Variants in LRP2 observed in about 807,000 individuals in gnomAD.
The protein encoded by LRP2 is LDL receptor related protein 2.
In LRP2, 172 loss-of-function variants were observed where a neutral mutation model predicts 531.0. The ratio of observed to expected loss-of-function variants is 0.32; its 90% CI spans 0.29 to 0.37. LRP2 has a LOEUF of 0.37. Ranked by LOEUF, LRP2 falls within the 10% of genes least tolerant of loss-of-function variation. LRP2 has a pLI of 1.00. For missense variants in LRP2, 5,167 were observed against 5,868.3 expected (o/e 0.88, Z 3.90); for synonymous variants, 1,992 against 2,027.6 (o/e 0.98, Z 0.47).
At chr2:169,143,118 TA>T (rs765788984) in intron 70 of LRP2, among the ~76,000 whole-genome samples, 2 of 152,200 alleles carry the variant, frequency 1.3e-5, no homozygotes, top group African/African-American at 2.4e-5. Context: ...TACTCAGTGC[TA>T]AACAACTTGA....
At chr2:169,190,563 C>T (rs1219273148) in intron 48 of LRP2, among the ~76,000 whole-genome samples, 1 of 152,210 alleles carries the variant, frequency 6.6e-6, no homozygotes, top group East Asian at 1.9e-4. Flanking sequence ...TCAATGGCCC[C>T]TGTGACTCTG....
intron 4 of LRP2, among the ~76,000 whole-genome samples, chr2:169,306,190 C>T (rs1218170086): frequency 6.6e-6 from 1 of 151,726 alleles, no homozygotes; most frequent in Non-Finnish European, 1.5e-5. Context: ...ATTAAAAACT[C>T]AAGGAACTTC....
At chr2:169,225,069 C>T (rs1397936596) in intron 33 of LRP2, among the ~76,000 whole-genome samples, 7 of 151,312 alleles carry the variant, frequency 4.6e-5, no homozygotes, top group South Asian at 4.2e-4. Context: ...CCAGCCTGGG[C>T]GACAGAGTGA....
At chr2:169,262,446 CA>C (rs1690599051) in intron 16 of LRP2, among the ~76,000 whole-genome samples, 1 of 121,244 alleles carries the variant, frequency 8.2e-6, no homozygotes, top group African/African-American at 2.9e-5. Context: ...TCTTATACAC[CA>C]ATAACAGACA....
In LRP2 at chr2:169,259,045, C is replaced by G. The variant is rs1211602964; in HGVS notation, c.2493G>C (p.Val831=). Residue 831 remains valine (V), a synonymous_variant, in exon 17 of 79, where the codon GTG becomes GTC. Coordinates refer to ENST00000649046, the MANE Select transcript of LRP2 (RefSeq NM_004525.3). ...VVQYLNNPRS[V]VVHPFAGYLF... ...CTTACCCGGCAAAAGGATGAACTAC[C>G]ACCGACCGTGGGTTATTTAAATACT... 1 of 1,613,192 alleles carries G rather than the reference C, an allele frequency of 6.2e-7. No individual in the cohort carries two copies. The highest frequency in any genetic ancestry group is 8.5e-7 in the Non-Finnish European group (1 of 1,179,530).
intron 41 of LRP2, among the ~76,000 whole-genome samples, chr2:169,204,551 T>C (rs1171367123): frequency 6.6e-6 from 1 of 152,192 alleles, no homozygotes; most frequent in East Asian, 1.9e-4. Flanking sequence ...AAATAATCCA[T>C]GTAATGCATG....
chr2:169,229,559 T>C (rs942503732), intron 31 of LRP2, among the ~76,000 whole-genome samples: 12 of 152,190 alleles, frequency 7.9e-5, no homozygotes, highest in African/African-American at 2.9e-4. Context: ...GAGGTGATGT[T>C]TGGCTTGAGT....
At chr2:169,142,599 A>C in intron 71 of LRP2, 75 bp downstream of exon 71, 1 of 1,600,232 alleles carries the variant, frequency 6.2e-7, no homozygotes, top group East Asian at 2.2e-5. Flanking sequence ...CCCAGCATAC[A>C]GGGATTCTTC....
At chr2:169,143,594 C>T (rs768444662) in intron 70 of LRP2, among the ~76,000 whole-genome samples, 1 of 152,188 alleles carries the variant, frequency 6.6e-6, no homozygotes, top group East Asian at 1.9e-4. Flanking sequence ...TGCAGTGAGC[C>T]GAGATTGCAC....
intron 54 of LRP2, 104 bp downstream of exon 54, chr2:169,176,307 C>CA (rs1364039864): frequency 4.4e-6 from 6 of 1,370,310 alleles, no homozygotes; most frequent in African/African-American, 1.4e-5. Flanking sequence ...GTTAATTAAC[C>CA]AAAATCTTGT....
chr2:169,214,950 GA>G (rs1393303806), intron 35 of LRP2, among the ~76,000 whole-genome samples: 1 of 152,166 alleles, frequency 6.6e-6, no homozygotes, highest in Non-Finnish European at 1.5e-5. Context: ...ATTAAACCAG[GA>G]GAGTGAAGGA....
intron 1 of LRP2, among the ~76,000 whole-genome samples, chr2:169,352,737 A>G (rs1325263723): frequency 3.3e-5 from 5 of 152,144 alleles, no homozygotes; most frequent in Admixed American, 3.3e-4. Flanking sequence ...CATTCTCAGC[A>G]AACTAACATA....
intron 58 of LRP2, 71 bp from the exon 59 acceptor site, chr2:169,170,738 C>A (rs1351907432): frequency 2.8e-6 from 3 of 1,086,138 alleles, no homozygotes; most frequent in Non-Finnish European, 4.3e-6. Flanking sequence ...TGTGAGCTGA[C>A]CATAGTGCCC....
At chr2:169,298,816 C>G (rs1037212358) in intron 4 of LRP2, among the ~76,000 whole-genome samples, 2 of 151,692 alleles carry the variant, frequency 1.3e-5, no homozygotes, top group South Asian at 2.1e-4. Context: ...AGAGTCAATA[C>G]CAAAAAACAG....
chr2:169,159,715 CT>C (rs199983906), intron 63 of LRP2, among the ~76,000 whole-genome samples: 3,075 of 152,256 alleles, frequency 0.02, 38 homozygotes, highest in Non-Finnish European at 0.03. Context: ...GTGATATCCC[CT>C]CTACATTGCT....
chr2:169,309,295 G>T (rs1406621635), intron 3 of LRP2, among the ~76,000 whole-genome samples: 1 of 152,106 alleles, frequency 6.6e-6, no homozygotes, highest in Non-Finnish European at 1.5e-5. Flanking sequence ...TGAAGTCCTT[G>T]CCCATGTCTA....
intron 1 of LRP2, among the ~76,000 whole-genome samples, chr2:169,337,701 G>A (rs1685442369): frequency 6.6e-6 from 1 of 152,190 alleles, no homozygotes; most frequent in African/African-American, 2.4e-5. Flanking sequence ...CCTTCCACTG[G>A]AAACAAAAGA....
chr2:169,221,079 T>C (rs1688976082), intron 33 of LRP2, among the ~76,000 whole-genome samples: 1 of 152,160 alleles, frequency 6.6e-6, no homozygotes, highest in Non-Finnish European at 1.5e-5. Flanking sequence ...TGAGCTGAAA[T>C]CTCTGCCCTG....
intron 70 of LRP2, 66 bp downstream of exon 70, chr2:169,145,681 T>G: frequency 6.8e-7 from 1 of 1,475,672 alleles, no homozygotes; most frequent in South Asian, 1.1e-5. Flanking sequence ...TCCAGCAATA[T>G]AGCCATTATT....
Sources: gnomAD v4.1 joint callset for allele counts (sites outside exome capture counted in the v4.1 genomes callset) on GRCh38, gnomAD v4.1.1 for gene constraint, MANE v1.5 for transcripts, NCBI Gene and HGNC (gene_info 2026-07-23, HGNC 2026-07-21) for gene names.